Variants in PARP4 observed in about 807,000 individuals in gnomAD.
The protein encoded by PARP4 is protein mono-ADP-ribosyltransferase PARP4.
A neutral mutation model predicts 187.7 loss-of-function variants in PARP4; 120 were observed. The ratio of observed to expected loss-of-function variants is 0.64; its 90% CI spans 0.55 to 0.74. The LOEUF (loss-of-function observed/expected upper bound fraction) is 0.74. PARP4 is among the 30% of genes least tolerant of loss of function. The pLI is 0.00. For synonymous variants in PARP4, 654 were observed against 740.9 expected (o/e 0.88, Z 1.90); for missense variants, 1,836 against 2,070.5 (o/e 0.89, Z 2.20).
At chr13:24,469,861 C>T (rs75389157) in intron 16 of PARP4, 33 bp downstream of exon 16, 24 of 1,431,760 alleles carry the variant, frequency 1.7e-5, no homozygotes, top group South Asian at 6.0e-5. Flanking sequence ...CTTTGAAAGC[C>T]GAGAGCGGGC....
At chr13:24,421,510 C>T (rs1483447189) in intron 33 of PARP4, among the ~76,000 whole-genome samples, 196 bp from the exon 34 acceptor site, 7 of 152,248 alleles carry the variant, frequency 4.6e-5, no homozygotes, top group African/African-American at 1.7e-4. Context: ...TTGTCAAGTG[C>T]CCTGTGCCCG....
At chr13:24,488,546 G>T (rs1002191137) in intron 10 of PARP4, among the ~76,000 whole-genome samples, 9 of 151,764 alleles carry the variant, frequency 5.9e-5, no homozygotes, top group African/African-American at 2.2e-4. Context: ...TTGAGACAGG[G>T]TTTCACCATG....
intron 6 of PARP4, among the ~76,000 whole-genome samples, chr13:24,495,487 T>C (rs1457930768): frequency 6.6e-6 from 1 of 152,170 alleles, no homozygotes; most frequent in Non-Finnish European, 1.5e-5. Flanking sequence ...GGAAAGTTAT[T>C]AGGTCATGCA....
At position 24,494,847 on chromosome 13, in the gene PARP4, CT is replaced by C. The variant is rs770008943; in HGVS notation, c.592-126del. 1.5e-5 allele frequency: 9 copies of C among 588,864 alleles called. No individual in the cohort carries two copies. The Admixed American group carries it at 3.4e-4, about 22-fold the overall frequency. 36.5% of individuals were successfully genotyped at this position (588,864 alleles called of 1,614,324 possible). A position where few individuals can be genotyped will look rare whatever the true frequency, so the allele number is the denominator to read the frequency against. Reference sequence around the variant, plus strand: ...GAAATTAGTTTTTTTCAAAGAATTACTTAAATTTTAAATTCTTTTTCTTTTC... The same window carrying C: ...GAAATTAGTTTTTTTCAAAGAATTACTAAATTTTAAATTCTTTTTCTTTTC... On this transcript the variant is annotated intron_variant, in intron 6 of 33. Coordinates refer to ENST00000381989, the MANE Select transcript of PARP4 (RefSeq NM_006437.4).
chr13:24,494,727 G>C lies in PARP4; in HGVS notation c.592-5C>G, dbSNP rs200250639. ...TATAGCAAACTGTCTTCTAGTCTGTGAATTATGGTGTATAGCAAAAGTACA... is the reference window on the plus strand; with the variant it reads ...TATAGCAAACTGTCTTCTAGTCTGTCAATTATGGTGTATAGCAAAAGTACA... On this transcript the variant is annotated splice_polypyrimidine_tract_variant and splice_region_variant and intron_variant, in intron 6 of 33. Transcript: ENST00000381989. 1 of 1,590,030 alleles carries C rather than the reference G, an allele frequency of 6.3e-7. No individual in the cohort carries two copies. The highest frequency in any genetic ancestry group is 8.6e-7 in the Non-Finnish European group (1 of 1,165,222).
Position 24,431,468 on chromosome 13 carries a change from G to A in PARP4, c.4755C>T (p.Phe1585=), listed in dbSNP as rs748070578. Residue 1585 remains phenylalanine, a synonymous_variant, in exon 32 of 34, where the codon TTC becomes TTT. Coordinates refer to ENST00000381989, the MANE Select transcript of PARP4 (RefSeq NM_006437.4). The stretch of plus-strand genomic sequence containing the variant: ...GTCCCAGTTCTGGTGTAAGTTTCCA[G>A]AAGCCATCCTACAAAATTAAGGAAA... The part of the protein sequence containing the change: ...ELLSLQTEDG[F]WKLTPELGLI... 1 of 1,576,808 alleles carries A rather than the reference G, an allele frequency of 6.3e-7. No individual in the cohort carries two copies. Among genetic ancestry groups the A allele is most frequent in the Non-Finnish European group, 8.6e-7 (1 of 1,160,608 alleles).
At position 24,426,452 on chromosome 13, in the gene PARP4, A is replaced by G. The variant is rs748162886; in HGVS notation, c.4979+14T>C. 5 of 1,593,940 alleles carry G rather than the reference A, an allele frequency of 3.1e-6. No homozygotes were observed. Among genetic ancestry groups the G allele is most frequent in the Non-Finnish European group, 3.4e-6 (4 of 1,166,338 alleles). On this transcript the variant is annotated intron_variant, in intron 33 of 33. Transcript: ENST00000381989. ...AAATATAAATAAGTTGCATAATACTATAGTTAAAGCCACCTGGAAATAGAA... is the reference window on the plus strand; with the variant it reads ...AAATATAAATAAGTTGCATAATACTGTAGTTAAAGCCACCTGGAAATAGAA...
At chr13:24,494,818 C>G (rs1290527967) in intron 6 of PARP4, 96 bp from the exon 7 acceptor site, 2 of 744,890 alleles carry the variant, frequency 2.7e-6, no homozygotes, top group East Asian at 2.9e-5. Context: ...CATGAAGAAG[C>G]TTAGAAATTA....
chr13:24,496,695 C>T (rs1868975827), intron 6 of PARP4, among the ~76,000 whole-genome samples: 1 of 152,132 alleles, frequency 6.6e-6, no homozygotes, highest in Non-Finnish European at 1.5e-5. Context: ...TCTGTGAGGG[C>T]CACTCTCACG....
chr13:24,478,685 C>A (rs2137512580), intron 12 of PARP4, among the ~76,000 whole-genome samples: 1 of 152,296 alleles, frequency 6.6e-6, no homozygotes, highest in Non-Finnish European at 1.5e-5. Context: ...CCTCCCTCCT[C>A]AGCCTCCCAA....
At chr13:24,501,363 C>G (rs1045933237) in intron 3 of PARP4, among the ~76,000 whole-genome samples, 15 of 152,162 alleles carry the variant, frequency 9.9e-5, no homozygotes, top group African/African-American at 3.6e-4. Flanking sequence ...TTCCCCTCCC[C>G]CTAGTTAAAA....
chr13:24,424,732 C>T (rs1869930858), intron 33 of PARP4, among the ~76,000 whole-genome samples: 1 of 144,378 alleles, frequency 6.9e-6, no homozygotes, highest in Non-Finnish European at 1.5e-5. Flanking sequence ...AGTGCAGTGG[C>T]ACGATCTTGA....
intron 31 of PARP4, among the ~76,000 whole-genome samples, chr13:24,432,847 T>G (rs1870416034): frequency 6.6e-6 from 1 of 152,058 alleles, no homozygotes; most frequent in Admixed American, 6.6e-5. Flanking sequence ...GATATTAACC[T>G]CAACGGAGAC....
intron 17 of PARP4, among the ~76,000 whole-genome samples, chr13:24,466,467 T>A (rs999121169): frequency 2.0e-5 from 3 of 152,106 alleles, no homozygotes; most frequent in African/African-American, 7.2e-5. Context: ...AGGTATGAGC[T>A]ACCACACCTG....
intron 10 of PARP4, among the ~76,000 whole-genome samples, chr13:24,488,325 C>T (rs1281248435): frequency 4.6e-5 from 7 of 152,256 alleles, no homozygotes; most frequent in Middle Eastern, 6.8e-3. Flanking sequence ...AATTTGATTA[C>T]ATATAAAAAC....
intron 2 of PARP4, among the ~76,000 whole-genome samples, chr13:24,502,666 C>T (rs1869366041): frequency 6.6e-6 from 1 of 152,232 alleles, no homozygotes; most frequent in Non-Finnish European, 1.5e-5. Flanking sequence ...CAAAGTTGCA[C>T]TCACAGTATG....
intron 5 of PARP4, 113 bp from the exon 6 acceptor site, chr13:24,498,342 A>C (rs533587226): frequency 1.6e-6 from 1 of 640,274 alleles, no homozygotes; most frequent in East Asian, 2.9e-5. Context: ...GATATAATTT[A>C]GAAAATATAG....
chr13:24,449,776 C>T lies in PARP4; in HGVS notation c.3056G>A (p.Cys1019Tyr), dbSNP rs773115479. ...AAAATATTCAAATACTCCGGCACCA[C>T]ACTGGGACAAAATCCTTAAGACGTG... The part of the protein sequence containing the change: ...NRHVLRILSQ[C>Y]GAGVFEYFNA... Residue 1019 changes from cysteine to tyrosine, a missense_variant, in exon 25 of 34, where the codon TGT (cysteine) becomes TAT (tyrosine). Around this residue, in one of 8 missense-constraint regions of PARP4, gnomAD observed 56 missense variants for 103.7 expected, o/e 0.54. Coordinates refer to ENST00000381989, the MANE Select transcript of PARP4 (RefSeq NM_006437.4). 2 of 1,611,588 alleles carry T rather than the reference C, an allele frequency of 1.2e-6. No individual in the cohort carries two copies. The highest frequency in any genetic ancestry group is 1.7e-6 in the Non-Finnish European group (2 of 1,177,968).
intron 31 of PARP4, among the ~76,000 whole-genome samples, chr13:24,432,253 A>G (rs1286413275): frequency 6.6e-6 from 1 of 152,150 alleles, no homozygotes; most frequent in Non-Finnish European, 1.5e-5. Context: ...TGACATATAC[A>G]ATGTATTGTT....
Sources: gnomAD v4.1 joint callset for allele counts (sites outside exome capture counted in the v4.1 genomes callset) on GRCh38, gnomAD v4.1.1 for gene constraint, gnomAD v4.1.1 regional missense constraint, MANE v1.5 for transcripts, NCBI Gene and HGNC (gene_info 2026-07-23, HGNC 2026-07-21) for gene names.